VAV3: variants seen among roughly 807,000 people sequenced by gnomAD.
VAV3 encodes guanine nucleotide exchange factor VAV3.
A neutral mutation model predicts 131.2 loss-of-function variants in VAV3; 94 were observed. The ratio of observed to expected loss-of-function variants is 0.72; its 90% CI spans 0.61 to 0.85. The LOEUF (loss-of-function observed/expected upper bound fraction) is 0.85, where lower values mean the gene tolerates loss of function less well. Ranked by LOEUF, VAV3 falls within the 40% of genes least tolerant of loss-of-function variation. VAV3 has a pLI of 0.00. For synonymous variants in VAV3, 349 were observed against 342.0 expected (o/e 1.02, Z -0.22); for missense variants, 939 against 1,002.7 (o/e 0.94, Z 0.86).
intron 15 of VAV3, among the ~76,000 whole-genome samples, chr1:107,727,337 T>A (rs939038102): frequency 1.3e-5 from 2 of 152,224 alleles, no homozygotes; most frequent in African/African-American, 4.8e-5. Context: ...TTTAAGATGA[T>A]GAATATGATC....
chr1:107,827,334 C>T (rs1453523643), intron 2 of VAV3, among the ~76,000 whole-genome samples: 2 of 152,140 alleles, frequency 1.3e-5, no homozygotes, highest in Admixed American at 6.6e-5. Flanking sequence ...TAAAGAACAA[C>T]TTACAAATGA....
chr1:107,668,534 T>G (rs1424783459), intron 19 of VAV3, among the ~76,000 whole-genome samples: 1 of 152,226 alleles, frequency 6.6e-6, no homozygotes, highest in Admixed American at 6.5e-5. Flanking sequence ...ATTCCATGGC[T>G]ACTTCACCAA....
At chr1:107,740,351 T>C (rs974487857) in intron 15 of VAV3, among the ~76,000 whole-genome samples, 3 of 152,046 alleles carry the variant, frequency 2.0e-5, no homozygotes, top group Non-Finnish European at 4.4e-5. Flanking sequence ...AGTTACTACA[T>C]GGCTGCTACT....
intron 15 of VAV3, among the ~76,000 whole-genome samples, chr1:107,745,376 CTT>C (rs987901818): frequency 6.6e-6 from 1 of 151,710 alleles, no homozygotes; most frequent in African/African-American, 2.4e-5. Context: ...CCTGCTACCA[CTT>C]ATCACAAAAA....
At chr1:107,631,036 A>G (rs1239576857) in intron 20 of VAV3, among the ~76,000 whole-genome samples, 1 of 152,162 alleles carries the variant, frequency 6.6e-6, no homozygotes, top group African/African-American at 2.4e-5. Context: ...ATTAGAGAAG[A>G]CTATATCAAG....
intron 22 of VAV3, among the ~76,000 whole-genome samples, 189 bp from the exon 23 acceptor site, chr1:107,603,352 C>T (rs1278103678): frequency 1.3e-5 from 2 of 152,056 alleles, no homozygotes; most frequent in South Asian, 2.1e-4. Context: ...AAATGCTCTA[C>T]AAAACTAACA....
chr1:107,649,913 T>C (rs1656029375), intron 19 of VAV3, among the ~76,000 whole-genome samples: 1 of 152,048 alleles, frequency 6.6e-6, no homozygotes, highest in East Asian at 1.9e-4. Context: ...AGTGAATCAA[T>C]GTAATAATAC....
At chr1:107,812,323 T>C (rs1010978052) in intron 2 of VAV3, among the ~76,000 whole-genome samples, 3 of 152,248 alleles carry the variant, frequency 2.0e-5, no homozygotes, top group East Asian at 1.9e-4. Flanking sequence ...AATCCTATAA[T>C]AGACACAAGG....
At chr1:107,877,929 T>C (rs903400868) in intron 1 of VAV3, among the ~76,000 whole-genome samples, 6 of 152,122 alleles carry the variant, frequency 3.9e-5, no homozygotes, top group African/African-American at 9.7e-5. Context: ...TGTGCACATA[T>C]AGGAACAGAG....
At chr1:107,735,453 C>A (rs1662554098) in intron 15 of VAV3, among the ~76,000 whole-genome samples, 1 of 152,084 alleles carries the variant, frequency 6.6e-6, no homozygotes, top group Non-Finnish European at 1.5e-5. Flanking sequence ...AATAGATAGA[C>A]CGCTAGCAAG....
chr1:107,905,044 C>T (rs1017293763), intron 1 of VAV3, among the ~76,000 whole-genome samples: 1 of 152,108 alleles, frequency 6.6e-6, no homozygotes, highest in Non-Finnish European at 1.5e-5. Context: ...AAATCTTCCT[C>T]GGATAATCAA....
chr1:107,855,469 G>A (rs1250071879), intron 2 of VAV3, among the ~76,000 whole-genome samples: 1 of 151,988 alleles, frequency 6.6e-6, no homozygotes, highest in Non-Finnish European at 1.5e-5. Context: ...GTAGAGATGT[G>A]GTTTTGCCAT....
chr1:107,578,856 G>C, intron 25 of VAV3: 1 of 985,000 alleles, frequency 1.0e-6, no homozygotes, highest in Non-Finnish European at 1.2e-6. Flanking sequence ...TTTACACCAA[G>C]AGTCTGGAAT....
rs543760154 is a variant in VAV3 at position 107,765,181 on chromosome 1, A to AG, written c.822-7dup. 225 of 1,607,742 alleles carry AG rather than the reference A, an allele frequency of 1.4e-4. 2 individuals carry two copies. In the African/African-American group the frequency reaches 2.6e-3, roughly 18 times the overall value. Reference sequence around the variant, plus strand: ...ACTGCCCGTAAATAACCAATCTGAAAGGGAAAAAAGACAAGAAATCTCTAA... The same window carrying AG: ...ACTGCCCGTAAATAACCAATCTGAAAGGGGAAAAAAGACAAGAAATCTCTAA... On this transcript the variant is annotated splice_polypyrimidine_tract_variant and splice_region_variant and intron_variant, in intron 8 of 26. Transcript: ENST00000370056.
chr1:107,932,597 T>TACCAAAA lies in VAV3; in HGVS notation c.204+32068_204+32069insTTTTGGT. On this transcript the variant is annotated intron_variant, in intron 1 of 26. Transcript: ENST00000370056. Reference sequence around the variant, plus strand: ...CCTGGAACCAATGAATAATACTTTATTATGGTAAAAGGGATTTTGCAGACA... The same window carrying TACCAAAA: ...CCTGGAACCAATGAATAATACTTTATACCAAAATATGGTAAAAGGGATTTTGCAGACA... Among the ~76,000 whole-genome samples, 2 of 152,204 alleles carry TACCAAAA rather than the reference T, an allele frequency of 1.3e-5. 1 individual carries two copies. Among genetic ancestry groups the TACCAAAA allele is most frequent in the Admixed American group, 1.3e-4 (2 of 15,272 alleles).
chr1:107,820,706 T>C (rs769173904), intron 2 of VAV3: 2 of 152,206 alleles, frequency 1.3e-5, no homozygotes, highest in Non-Finnish European at 2.9e-5. Context: ...TATAGGTCTG[T>C]ATCAAAATAT....
chr1:107,639,987 G>A lies in VAV3; in HGVS notation c.1914+2632C>T, dbSNP rs143711396. Reference sequence around the variant, plus strand: ...CACCAAATGTTGGCAAGGATAAGAGGCACCTAAAACTCACAAATACAGTTG... The same window carrying A: ...CACCAAATGTTGGCAAGGATAAGAGACACCTAAAACTCACAAATACAGTTG... On this transcript the variant is annotated intron_variant, in intron 20 of 26. Coordinates refer to ENST00000370056, the MANE Select transcript of VAV3 (RefSeq NM_006113.5). 5.3e-5 allele frequency among the ~76,000 whole-genome samples: 8 copies of A among 151,662 alleles called. No individual in the cohort carries two copies. In the East Asian group the frequency reaches 1.5e-3, roughly 29 times the overall value.
intron 1 of VAV3, among the ~76,000 whole-genome samples, chr1:107,912,489 A>C (rs1397579900): frequency 6.6e-6 from 1 of 152,194 alleles, no homozygotes; most frequent in Non-Finnish European, 1.5e-5. Flanking sequence ...TATTAAAGGC[A>C]TGTGTTGAGA....
chr1:107,757,198 G>C, intron 11 of VAV3, 63 bp downstream of exon 11: 1 of 1,161,206 alleles, frequency 8.6e-7, no homozygotes, highest in East Asian at 2.4e-5. Context: ...TATGCAATTT[G>C]AATTCCATTG....
Sources: allele counts gnomAD v4.1 joint callset (sites outside exome capture counted in the v4.1 genomes callset), GRCh38; gene constraint gnomAD v4.1.1; transcripts MANE v1.5; gene names NCBI Gene and HGNC (gene_info 2026-07-23, HGNC 2026-07-21).